Variants in FRMD4A observed in about 807,000 individuals in gnomAD.
The protein encoded by FRMD4A is FERM domain containing 4A, also known as FERM domain-containing protein 4A.
A neutral mutation model predicts 129.1 loss-of-function variants in FRMD4A; 29 were observed. The ratio of observed to expected loss-of-function variants is 0.22; its 90% confidence interval spans 0.17 to 0.31. The LOEUF is 0.31. Ranked by LOEUF, FRMD4A falls within the 10% of genes least tolerant of loss-of-function variation. The pLI is 1.00. For missense variants in FRMD4A, 1,272 were observed against 1,375.8 expected, an observed-to-expected ratio of 0.92 and a Z score of 1.19; for synonymous variants, 634 against 571.6, an observed-to-expected ratio of 1.11 and a Z score of -1.56.
intron 2 of FRMD4A, among the ~76,000 whole-genome samples, chr10:13,948,066 A>G (rs2095345370): frequency 6.6e-6 from 1 of 152,018 alleles, no homozygotes; most frequent in African/African-American, 2.4e-5. Flanking sequence ...AAAAAAAAAA[A>G]ACACCTTATC....
At chr10:13,723,042 T>A (rs994593262) in intron 12 of FRMD4A, among the ~76,000 whole-genome samples, 1 of 152,122 alleles carries the variant, frequency 6.6e-6, no homozygotes, top group Non-Finnish European at 1.5e-5. Context: ...CTATGTTGGT[T>A]AGCTAGGTCA....
chr10:14,273,915 A>G (rs2132050278), intron 2 of FRMD4A, among the ~76,000 whole-genome samples: 1 of 152,350 alleles, frequency 6.6e-6, no homozygotes, highest in East Asian at 1.9e-4. Flanking sequence ...CTTATAGAAC[A>G]ATCAGTTACA....
intron 2 of FRMD4A, among the ~76,000 whole-genome samples, chr10:13,946,319 C>G (rs140353635): frequency 0.013 from 2,001 of 152,278 alleles, 23 homozygotes; most frequent in Non-Finnish European, 0.022. Flanking sequence ...AAGAGGTGCT[C>G]GTTACTCAGA....
intron 2 of FRMD4A, among the ~76,000 whole-genome samples, chr10:14,034,506 C>T (rs1833405861): frequency 1.3e-5 from 2 of 152,082 alleles, no homozygotes; most frequent in Non-Finnish European, 2.9e-5. Context: ...TGAATATATA[C>T]AGTGTCCATC....
At chr10:14,165,602 T>A (rs1190516988) in intron 2 of FRMD4A, among the ~76,000 whole-genome samples, 2 of 152,194 alleles carry the variant, frequency 1.3e-5, no homozygotes, top group African/African-American at 2.4e-5. Flanking sequence ...AGGCATGGCA[T>A]CACCAGCTGC....
At chr10:14,258,779 A>G (rs530612835) in intron 2 of FRMD4A, among the ~76,000 whole-genome samples, 31 of 152,344 alleles carry the variant, frequency 2.0e-4, no homozygotes, top group African/African-American at 7.2e-4. Flanking sequence ...ATTTCCACCA[A>G]TGGTTGAACA....
intron 14 of FRMD4A, among the ~76,000 whole-genome samples, chr10:13,700,826 T>C (rs1189622411): frequency 1.1e-5 from 1 of 91,366 alleles, no homozygotes; most frequent in Non-Finnish European, 2.1e-5. Context: ...GTTGCTTTTT[T>C]TTTTTTTTTT....
rs10706168 is a variant in FRMD4A at position 13,728,573 on chromosome 10, C to CTTTTTTTTTTTTTT, written c.759+9257_759+9270dup. On this transcript the variant is annotated intron_variant, in intron 12 of 24. Transcript: ENST00000357447. ...TCAGTGCTTTCAGGTGATTACCATT[C>CTTTTTTTTTTTTTT]TTTTTTTTTTTTTTTTTGAGATGGA... is the stretch of plus-strand genomic sequence containing the variant. Among the ~76,000 whole-genome samples, 132 of 78,342 alleles carry CTTTTTTTTTTTTTT rather than the reference C, an allele frequency of 1.7e-3. 21 individuals carry two copies. Among genetic ancestry groups the CTTTTTTTTTTTTTT allele is most frequent in the African/African-American group, 2.9e-3 (62 of 21,262 alleles). The allele number at this position is 78,342 out of a possible 152,430, so 51.4% of individuals were successfully genotyped here.
intron 12 of FRMD4A, among the ~76,000 whole-genome samples, chr10:13,721,929 A>G (rs1286242309): frequency 6.6e-6 from 1 of 152,204 alleles, no homozygotes; most frequent in African/African-American, 2.4e-5. Flanking sequence ...CATTAAAGGT[A>G]GGACTGGGGT....
intron 2 of FRMD4A, among the ~76,000 whole-genome samples, chr10:13,977,256 T>C (rs2095545192): frequency 6.6e-6 from 1 of 152,228 alleles, no homozygotes; most frequent in Admixed American, 6.5e-5. Flanking sequence ...GTAAGGACTT[T>C]TCCAGGTCTT....
chr10:13,721,889 G>A (rs2089444843), intron 12 of FRMD4A, among the ~76,000 whole-genome samples: 1 of 152,172 alleles, frequency 6.6e-6, no homozygotes, highest in African/African-American at 2.4e-5. Flanking sequence ...ACATACAGAG[G>A]AAATTCTCTC....
Position 13,645,167 on chromosome 10 carries a change from C to T in FRMD4A, c.*1871G>A, listed in dbSNP as rs940972402. 2.0e-5 allele frequency: 3 copies of T among 152,164 alleles called. No homozygotes were observed. Among genetic ancestry groups the T allele is most frequent in the Non-Finnish European group, 4.4e-5 (3 of 68,046 alleles). 9.4% of individuals were successfully genotyped at this position (152,164 alleles called of 1,614,324 possible). Reference sequence around the variant, plus strand: ...TGTTTCATTTTAGTGTCCATCCTTACCCTTCTGGTCTGGTAGAGCCTATGG... The same window carrying T: ...TGTTTCATTTTAGTGTCCATCCTTATCCTTCTGGTCTGGTAGAGCCTATGG... On this transcript the variant is annotated 3_prime_UTR_variant, in exon 25 of 25. Transcript: ENST00000357447.
intron 2 of FRMD4A, among the ~76,000 whole-genome samples, chr10:14,282,674 T>C (rs1052184363): frequency 1.3e-5 from 2 of 152,078 alleles, no homozygotes; most frequent in Non-Finnish European, 2.9e-5. Context: ...GTAAGGAAAC[T>C]GAGAAATCAA....
At chr10:14,134,601 T>G (rs947790258) in intron 2 of FRMD4A, among the ~76,000 whole-genome samples, 3 of 149,820 alleles carry the variant, frequency 2.0e-5, no homozygotes, top group African/African-American at 7.4e-5. Context: ...GATGGGTAGA[T>G]GGATGGATAA....
At chr10:14,239,203 A>G (rs1843941252) in intron 2 of FRMD4A, among the ~76,000 whole-genome samples, 1 of 152,240 alleles carries the variant, frequency 6.6e-6, no homozygotes, top group Non-Finnish European at 1.5e-5. Context: ...TCTCAGAAAC[A>G]GAAATGCTAC....
chr10:14,324,782 T>A (rs1047405014), intron 2 of FRMD4A, among the ~76,000 whole-genome samples: 5 of 152,176 alleles, frequency 3.3e-5, no homozygotes, highest in African/African-American at 1.2e-4. Flanking sequence ...TGCCTCAGCC[T>A]CCCAAGCAGG....
chr10:13,772,904 G>A (rs147917859), intron 6 of FRMD4A, among the ~76,000 whole-genome samples: 17 of 152,306 alleles, frequency 1.1e-4, no homozygotes, highest in Non-Finnish European at 2.2e-4. Context: ...CAGGGTAACT[G>A]TGGTCAATAA....
chr10:14,106,554 T>C (rs1314855462), intron 2 of FRMD4A, among the ~76,000 whole-genome samples: 2 of 152,208 alleles, frequency 1.3e-5, no homozygotes, highest in African/African-American at 4.8e-5. Flanking sequence ...AAATCAGGAC[T>C]AGAGTTTTAC....
intron 2 of FRMD4A, among the ~76,000 whole-genome samples, chr10:14,245,758 A>T (rs1452480474): frequency 6.6e-6 from 1 of 152,126 alleles, no homozygotes; most frequent in African/African-American, 2.4e-5. Context: ...GAAGGAATGG[A>T]CCCTGCTAAC....
Sources: gnomAD v4.1 joint callset for allele counts (sites outside exome capture counted in the v4.1 genomes callset) on GRCh38, gnomAD v4.1.1 for gene constraint, MANE v1.5 for transcripts, NCBI Gene and HGNC (gene_info 2026-07-23, HGNC 2026-07-21) for gene names.